Variants in DRICH1 observed in about 807,000 individuals in gnomAD.
DRICH1 encodes the protein aspartate-rich protein 1.
A neutral mutation model predicts 39.5 loss-of-function variants in DRICH1; 38 were observed. That is an observed-to-expected ratio of 0.96 (90% CI 0.74 to 1.26). DRICH1 has a LOEUF of 1.26. Among genes scored for constraint, DRICH1 ranks in the 50% most tolerant of loss-of-function variants. The pLI is 0.00. For synonymous variants in DRICH1, 84 were observed against 99.5 expected (o/e 0.84, Z 0.93); for missense variants, 279 against 270.4 (o/e 1.03, Z -0.22).
intron 10 of DRICH1, 73 bp from the exon 11 acceptor site, chr22:23,613,403 T>C: frequency 8.1e-7 from 1 of 1,241,848 alleles, no homozygotes; most frequent in Non-Finnish European, 1.2e-6. Flanking sequence ...TTACTTTAGC[T>C]GAAGCTGAGT....
chr22:23,606,374 G>A (rs17627842), downstream of DRICH1, among the ~76,000 whole-genome samples: 12,505 of 152,150 alleles, frequency 0.082, 616 homozygotes, highest in Non-Finnish European at 0.11. Flanking sequence ...ACTTCTCCCA[G>A]TACCTGTACC....
At position 23,611,392 on chromosome 22, in the gene DRICH1, A is replaced by ATTT. The variant is rs11339572; in HGVS notation, c.685+1894_685+1896dup. Among the ~76,000 whole-genome samples the ATTT allele has an allele frequency of 7.8e-4, 108 of 138,044 alleles. 1 individual carries two copies. Among genetic ancestry groups the ATTT allele is most frequent in the Non-Finnish European group, 1.2e-3 (75 of 64,012 alleles). The allele number at this position is 138,044 out of a possible 152,430, so 90.6% of individuals were successfully genotyped here. On this transcript the variant is annotated intron_variant, in intron 11 of 11. Transcript: ENST00000317749. ...TTTATGGCTGTTCTTATTTTCATTC[A>ATTT]TTTTTTTTTTTTTTTTGAGATGGAA... is the stretch of plus-strand genomic sequence containing the variant.
chr22:23,607,820 C>A (rs1926822620), downstream of DRICH1, among the ~76,000 whole-genome samples: 1 of 152,224 alleles, frequency 6.6e-6, no homozygotes, highest in African/African-American at 2.4e-5. Flanking sequence ...TGACCACCAT[C>A]CTTGCCATCA....
At chr22:23,586,930 T>TA in the DRICH1 span, among the ~76,000 whole-genome samples, 25 of 152,216 alleles carry the variant, frequency 1.6e-4, no homozygotes, top group Non-Finnish European at 3.2e-4. Context: ...CTGATATCTA[T>TA]ATAACTACAC....
At chr22:23,624,931 TG>T (rs1179857329) in intron 2 of DRICH1, 27 bp from the exon 3 acceptor site, 1 of 1,612,206 alleles carries the variant, frequency 6.2e-7, no homozygotes, top group East Asian at 2.2e-5. Flanking sequence ...GAAGATGCTA[TG>T]AGGATCAGAT....
downstream of DRICH1, among the ~76,000 whole-genome samples, chr22:23,606,091 A>G (rs1301104660): frequency 2.0e-5 from 3 of 148,794 alleles, no homozygotes; most frequent in African/African-American, 7.4e-5. Flanking sequence ...CCCCACCTCA[A>G]AAAAAAAAAA....
At chr22:23,632,501 G>A (rs953983873), upstream of DRICH1, among the ~76,000 whole-genome samples, 8 of 152,112 alleles carry the variant, frequency 5.3e-5, no homozygotes, top group African/African-American at 1.9e-4. Context: ...CCCTCTGTGG[G>A]GACTGCACTA....
In DRICH1 at chr22:23,631,932, TA is replaced by T; in HGVS notation, c.91del (p.Tyr31MetfsTer14). 6.2e-7 allele frequency: 1 copy of T among 1,613,792 alleles called. No homozygotes were observed. Among genetic ancestry groups the T allele is most frequent in the African/African-American group, 1.3e-5 (1 of 75,026 alleles). On this transcript the variant is annotated frameshift_variant, in exon 1 of 12. Coordinates refer to ENST00000317749, the MANE Select transcript of DRICH1 (RefSeq NM_016449.4). LOFTEE classifies it high-confidence loss of function. Reference sequence around the variant, plus strand: ...TGATGTTGCAGCAGCCACAGTCTCATAAATATCAGTATCAGATTCATAACAG... The same window carrying T: ...TGATGTTGCAGCAGCCACAGTCTCATAATATCAGTATCAGATTCATAACAG... ...APCYESDTDI[Y>X]ETVAAATSES...
In DRICH1 at chr22:23,617,643, T is replaced by G. The variant is rs745669291; in HGVS notation, c.451A>C (p.Asn151His). ...CGTGGTAGGCATACTAAACTCAGGT[T>G]GTCCTCAGAAGAACCTGGAAGCACA... ...FDSSSCSSED[N>H]LSLVCLPRSE... Residue 151 changes from asparagine to histidine, a missense_variant, in exon 7 of 12, where the codon AAC becomes CAC. Asn to His is a moderately conservative substitution (Grantham distance 68). Transcript: ENST00000317749. The G allele has an allele frequency of 1.2e-6, 2 of 1,614,156 alleles. No individual in the cohort carries two copies. The highest frequency in any genetic ancestry group is 1.1e-5 in the South Asian group (1 of 91,076).
chr22:23,598,122 A>C, the DRICH1 span, among the ~76,000 whole-genome samples: 2 of 143,306 alleles, frequency 1.4e-5, no homozygotes, highest in South Asian at 2.3e-4. Context: ...CCCCCACCCT[A>C]CTCTCACCTC....
chr22:23,587,630 A>G, the DRICH1 span, among the ~76,000 whole-genome samples: 2 of 152,196 alleles, frequency 1.3e-5, no homozygotes, highest in Non-Finnish European at 2.9e-5. Flanking sequence ...GCCAGGGACA[A>G]TCTGAGAACC....
the DRICH1 span, among the ~76,000 whole-genome samples, chr22:23,594,174 A>G: frequency 6.6e-6 from 1 of 152,214 alleles, no homozygotes; most frequent in Admixed American, 6.5e-5. Context: ...AAGCAGCTCA[A>G]TGAACTCCAA....
At chr22:23,596,478 C>T in the DRICH1 span, among the ~76,000 whole-genome samples, 2 of 152,144 alleles carry the variant, frequency 1.3e-5, no homozygotes, top group Non-Finnish European at 2.9e-5. Flanking sequence ...CTGGTTTAAA[C>T]TCCTGGCCTC....
At chr22:23,616,808 C>A in intron 8 of DRICH1, 45 bp downstream of exon 8, 2 of 1,612,252 alleles carry the variant, frequency 1.2e-6, no homozygotes, top group East Asian at 2.2e-5. Context: ...ATATTAAAGC[C>A]AGCAAGTTTG....
At chr22:23,620,951 A>C (rs138642771) in intron 4 of DRICH1, among the ~76,000 whole-genome samples, 106 of 152,258 alleles carry the variant, frequency 7.0e-4, no homozygotes, top group African/African-American at 2.3e-3. Context: ...AAAACATCCT[A>C]GTGTGTCATG....
the DRICH1 span, chr22:23,583,060 G>T: frequency 6.6e-6 from 1 of 152,254 alleles, no homozygotes; most frequent in African/African-American, 2.4e-5. Flanking sequence ...GCAGCCCAGA[G>T]CTGACTCCAG....
intron 1 of DRICH1, among the ~76,000 whole-genome samples, chr22:23,627,035 C>CAA: frequency 6.6e-6 from 1 of 151,676 alleles, no homozygotes; most frequent in Non-Finnish European, 1.5e-5. Flanking sequence ...GGCTGATGGG[C>CAA]CATTGCACGG....
At chr22:23,589,176 CGAG>C in the DRICH1 span, among the ~76,000 whole-genome samples, 1 of 151,854 alleles carries the variant, frequency 6.6e-6, no homozygotes, top group Non-Finnish European at 1.5e-5. Flanking sequence ...ACCAGCCAGG[CGAG>C]GTGGCTCATG....
the DRICH1 span, among the ~76,000 whole-genome samples, chr22:23,587,207 G>A: frequency 6.6e-6 from 1 of 152,128 alleles, no homozygotes; most frequent in Admixed American, 6.5e-5. Flanking sequence ...ATGCTTCCAG[G>A]GTACATGTGC....
Sources: allele counts gnomAD v4.1 joint callset (sites outside exome capture counted in the v4.1 genomes callset), GRCh38; gene constraint gnomAD v4.1.1; transcripts MANE v1.5; gene names NCBI Gene and HGNC (gene_info 2026-07-23, HGNC 2026-07-21).